ACACB: variants seen among roughly 807,000 people sequenced by gnomAD.
The protein encoded by ACACB is acetyl-CoA carboxylase beta.
ACACB carries 209 observed loss-of-function variants against 278.8 expected under a neutral mutation model. That is an observed-to-expected ratio of 0.75 (90% confidence interval 0.67 to 0.84). ACACB has a LOEUF of 0.84. ACACB is among the 40% of genes least tolerant of loss of function. The pLI is 0.00. For synonymous variants in ACACB, 1,174 were observed against 1,285.6 expected, an observed-to-expected ratio of 0.91 and a Z score of 1.86; for missense variants, 2,850 against 3,269.0, an observed-to-expected ratio of 0.87 and a Z score of 3.13.
rs1215917247 is a variant in ACACB at position 109,139,648 on chromosome 12, C to T, written c.243C>T (p.Gly81=). The stretch of plus-strand genomic sequence containing the variant: ...AGGCCGAGCCAGCCTCCCACAAAGG[C>T]CCCAAAGATGCCGGTCGGCGGAGAA... ...PSQAEPASHK[G]PKDAGRRRNS... The change falls in exon 2 of 53, where the codon GGC becomes GGT. Residue 81 remains glycine (G), a synonymous_variant. Coordinates refer to ENST00000338432, the MANE Select transcript of ACACB (RefSeq NM_001093.4). 4 of 1,614,128 alleles carry T rather than the reference C, an allele frequency of 2.5e-6. No homozygotes were observed. Among genetic ancestry groups the T allele is most frequent in the Non-Finnish European group, 3.4e-6 (4 of 1,179,990 alleles).
In ACACB at chr12:109,210,244, TATATACACACATGTGTGTATATGTAC is replaced by T. The variant is rs1565927439; in HGVS notation, c.3249+903_3249+928del. ...ACATGTGTGTATATGTATATATGTA[TATATACACACATGTGTGTATATGTAC>T]ATATACACACACATATCTGTGTGTA... is the stretch of plus-strand genomic sequence containing the variant. On this transcript the variant is annotated intron_variant, in intron 21 of 52. Transcript: ENST00000338432. Among the ~76,000 whole-genome samples the T allele has an allele frequency of 1.3e-4, 4 of 31,954 alleles. 1 individual carries two copies. The highest frequency in any genetic ancestry group is 6.7e-4 in the African/African-American group (3 of 4,472). The allele number at this position is 31,954 out of a possible 152,430, so 21.0% of individuals were successfully genotyped here.
chr12:109,182,999 T>A (rs1032842884), intron 11 of ACACB, among the ~76,000 whole-genome samples: 1 of 152,210 alleles, frequency 6.6e-6, no homozygotes, highest in African/African-American at 2.4e-5. Flanking sequence ...TGATTCTGCA[T>A]ATGGATATCC....
chr12:109,259,044 C>G lies in ACACB; in HGVS notation c.6432C>G (p.Phe2144Leu). Residue 2144 changes from phenylalanine to leucine, a missense_variant, in exon 47 of 53, where the codon TTC becomes TTG. By Grantham distance (22) the Phe-to-Leu change is conservative. This residue lies in a region of ACACB where 579 missense variants were observed against 684.6 expected (regional missense o/e 0.85). Coordinates refer to ENST00000338432, the MANE Select transcript of ACACB (RefSeq NM_001093.4). Reference sequence around the variant, plus strand: ...AAACCGCCCAGGCCGTCAAGGACTTCAACCGGGAGAAGTTGCCCCTGATGA... The same window carrying G: ...AAACCGCCCAGGCCGTCAAGGACTTGAACCGGGAGAAGTTGCCCCTGATGA... ...AYKTAQAVKD[F>L]NREKLPLMIF... The G allele has an allele frequency of 6.2e-7, 1 of 1,614,142 alleles. No homozygotes were observed. Among genetic ancestry groups the G allele is most frequent in the Non-Finnish European group, 8.5e-7 (1 of 1,180,024 alleles).
At chr12:109,180,338 T>A (rs2044424190) in intron 11 of ACACB, among the ~76,000 whole-genome samples, 3 of 152,248 alleles carry the variant, frequency 2.0e-5, no homozygotes. Flanking sequence ...CCTGCAAGGA[T>A]CCTTTGGACA....
chr12:109,157,590 C>T (rs34265), intron 2 of ACACB, among the ~76,000 whole-genome samples: 15,761 of 152,108 alleles, frequency 0.1, 1,266 homozygotes, highest in East Asian at 0.37. Flanking sequence ...TCCGTTGAGA[C>T]TCTGTGTGGA....
upstream of ACACB, among the ~76,000 whole-genome samples, chr12:109,112,718 G>T (rs1048901607): frequency 1.3e-5 from 2 of 149,170 alleles, no homozygotes; most frequent in Admixed American, 6.6e-5. Context: ...AACCAACCAG[G>T]CAACTCATTT....
chr12:109,242,899 G>A (rs1444295709), intron 37 of ACACB, among the ~76,000 whole-genome samples: 3 of 152,042 alleles, frequency 2.0e-5, no homozygotes, highest in Non-Finnish European at 2.9e-5. Flanking sequence ...CTGGGAGGTC[G>A]AGGCTGCAGT....
At position 109,223,736 on chromosome 12, in the gene ACACB, T is replaced by A. The variant is rs1049203073; in HGVS notation, c.3793-79T>A. On this transcript the variant is annotated intron_variant, in intron 26 of 52. Transcript: ENST00000338432. The stretch of plus-strand genomic sequence containing the variant: ...ATGATCACACCACTGCACTCCAGTT[T>A]ATCTCAAATAAAAACAAAGAAAAAC... 5.1e-6 allele frequency: 7 copies of A among 1,379,618 alleles called. No individual in the cohort carries two copies. In the African/African-American group the frequency reaches 1.0e-4, roughly 20 times the overall value. 85.5% of individuals were successfully genotyped at this position (1,379,618 alleles called of 1,614,324 possible). A position where few individuals can be genotyped will look rare whatever the true frequency, so the allele number is the denominator to read the frequency against.
Position 109,135,902 on chromosome 12 carries a change from C to T in ACACB, c.-9-3495C>T, listed in dbSNP as rs146656530. On this transcript the variant is annotated intron_variant, in intron 1 of 52. Coordinates refer to ENST00000338432, the MANE Select transcript of ACACB (RefSeq NM_001093.4). The stretch of plus-strand genomic sequence containing the variant: ...TCGGCTCACTGCAAGCTCTGCCTCC[C>T]GGGTTCACGCCATTCTCCTTCCTCA... 5.9e-3 allele frequency among the ~76,000 whole-genome samples: 892 copies of T among 151,394 alleles called. 7 individuals are homozygous for T. The highest frequency in any genetic ancestry group is 0.02 in the African/African-American group (818 of 41,168).
intron 28 of ACACB, 126 bp downstream of exon 28, chr12:109,227,615 A>C (rs1222245374): frequency 6.9e-6 from 6 of 864,666 alleles, no homozygotes; most frequent in Non-Finnish European, 1.1e-5. Flanking sequence ...AGCGATAAGC[A>C]CTTCCCCTGT....
At chr12:109,135,449 G>C (rs1295496794) in intron 1 of ACACB, among the ~76,000 whole-genome samples, 1 of 151,860 alleles carries the variant, frequency 6.6e-6, no homozygotes, top group African/African-American at 2.4e-5. Flanking sequence ...GTTTGCAAGT[G>C]GTCCTCCCAT....
At chr12:109,210,307 A>G (rs1262229840) in intron 21 of ACACB, among the ~76,000 whole-genome samples, 4 of 61,478 alleles carry the variant, frequency 6.5e-5, no homozygotes, top group Admixed American at 1.6e-4. Context: ...ATGTATATAT[A>G]CACACACATA....
At chr12:109,154,145 C>T (rs2043452816) in intron 2 of ACACB, among the ~76,000 whole-genome samples, 1 of 152,104 alleles carries the variant, frequency 6.6e-6, no homozygotes, top group Non-Finnish European at 1.5e-5. Context: ...TTAGTCTTAC[C>T]AGAAGTTTAT....
intron 9 of ACACB, among the ~76,000 whole-genome samples, chr12:109,176,778 A>G (rs2337854): frequency 0.18 from 27,261 of 151,962 alleles, 2,793 homozygotes; most frequent in East Asian, 0.43. Context: ...CACCACACGC[A>G]GCTCATTTTT....
intron 11 of ACACB, among the ~76,000 whole-genome samples, chr12:109,185,067 G>C (rs1005086553): frequency 6.6e-6 from 1 of 152,112 alleles, no homozygotes; most frequent in Admixed American, 6.6e-5. Flanking sequence ...TTCCTGGTTC[G>C]ATTCCTGCTA....
chr12:109,251,903 A>G, intron 41 of ACACB, 143 bp from the exon 42 acceptor site: 1 of 550,690 alleles, frequency 1.8e-6, no homozygotes. Flanking sequence ...TTTTGCCTCT[A>G]CTGTGGTTTG....
chr12:109,121,913 C>T (rs1174685799), intron 1 of ACACB, among the ~76,000 whole-genome samples: 1 of 152,146 alleles, frequency 6.6e-6, no homozygotes, highest in African/African-American at 2.4e-5. Context: ...CAGGTCAGCA[C>T]GTGATGAATG....
chr12:109,265,199 G>T lies in ACACB; in HGVS notation c.7032G>T (p.Leu2344=). The T allele has an allele frequency of 6.2e-7, 1 of 1,613,758 alleles. No homozygotes were observed. Among genetic ancestry groups the T allele is most frequent in the Non-Finnish European group, 8.5e-7 (1 of 1,180,042 alleles). Residue 2344 remains leucine, a synonymous_variant, in exon 51 of 53, where the codon CTG becomes CTT. Coordinates refer to ENST00000338432, the MANE Select transcript of ACACB (RefSeq NM_001093.4). ...AGGACCAGGTCAAGCAGGAGATCCT[G>T]CAGGCCAGCGGGGAGCTGAGTCACG... is the stretch of plus-strand genomic sequence containing the variant. ...LLEDQVKQEI[L]QASGELSHVH...
upstream of ACACB, chr12:109,116,513 T>A (rs1384633792): frequency 6.6e-6 from 1 of 152,248 alleles, no homozygotes; most frequent in African/African-American, 2.4e-5. Flanking sequence ...GTTGCTGCTT[T>A]GAAGGTTAAG....
Sources: gnomAD v4.1 joint callset for allele counts (sites outside exome capture counted in the v4.1 genomes callset) on GRCh38, gnomAD v4.1.1 for gene constraint, gnomAD v4.1.1 regional missense constraint, MANE v1.5 for transcripts, NCBI Gene and HGNC (gene_info 2026-07-23, HGNC 2026-07-21) for gene names.